Variants in PWWP2A observed in about 807,000 individuals in gnomAD.
PWWP2A encodes PWWP domain-containing protein 2A.
In PWWP2A, 18 loss-of-function variants were observed where a neutral mutation model predicts 48.5. The observed-to-expected ratio is 0.37, with a 90% confidence interval of 0.26 to 0.55. PWWP2A has a LOEUF of 0.55. Ranked by LOEUF, PWWP2A falls within the 20% of genes least tolerant of loss-of-function variation. PWWP2A has a pLI of 0.81. For synonymous variants in PWWP2A, 396 were observed against 387.7 expected, an observed-to-expected ratio of 1.02 and a Z score of -0.25; for missense variants, 867 against 976.4, an observed-to-expected ratio of 0.89 and a Z score of 1.49.
chr5:160,058,409 C>CTTTT (rs1171929571), downstream of PWWP2A, among the ~76,000 whole-genome samples: 3 of 129,774 alleles, frequency 2.3e-5, no homozygotes, highest in African/African-American at 2.8e-5. Flanking sequence ...AAGTGTATTT[C>CTTTT]TTTTTTTTTT....
intron 1 of PWWP2A, among the ~76,000 whole-genome samples, chr5:160,108,060 T>C (rs1757077824): frequency 6.6e-6 from 1 of 152,134 alleles, no homozygotes; most frequent in Non-Finnish European, 1.5e-5. Context: ...AGTTTGTGTA[T>C]AACACATCTA....
downstream of PWWP2A, chr5:160,090,715 A>AC: frequency 1.0e-6 from 1 of 952,478 alleles, no homozygotes; most frequent in South Asian, 4.9e-5. Flanking sequence ...CATAGTAACT[A>AC]CTTCAAATTG....
intron 3 of PWWP2A, chr5:160,080,640 A>C: frequency 6.5e-7 from 1 of 1,529,626 alleles, no homozygotes; most frequent in Non-Finnish European, 8.8e-7. Context: ...CAGGGCTTAA[A>C]ACAGACAGAC....
chr5:160,051,158 T>C, the PWWP2A span: 1 of 1,610,414 alleles, frequency 6.2e-7, no homozygotes. Context: ...AAGAACGTAA[T>C]GAAAGACTAA....
downstream of PWWP2A, among the ~76,000 whole-genome samples, chr5:160,086,730 C>A (rs938609475): frequency 6.6e-6 from 1 of 152,134 alleles, no homozygotes; most frequent in Admixed American, 6.5e-5. Flanking sequence ...CATCTTCCTG[C>A]CTCAGCCTCT....
downstream of PWWP2A, among the ~76,000 whole-genome samples, chr5:160,058,367 A>G (rs1757600354): frequency 6.7e-6 from 1 of 148,956 alleles, no homozygotes; most frequent in Admixed American, 6.7e-5. Context: ...TAATGTTGGT[A>G]TTTTGACCAT....
chr5:160,114,202 A>G (rs1757867277), intron 1 of PWWP2A, among the ~76,000 whole-genome samples: 1 of 152,182 alleles, frequency 6.6e-6, no homozygotes, highest in Non-Finnish European at 1.5e-5. Flanking sequence ...TAATCCCAAC[A>G]CTTTGGGAGT....
chr5:160,099,018 G>C (rs949348334), intron 1 of PWWP2A, among the ~76,000 whole-genome samples: 2 of 152,104 alleles, frequency 1.3e-5, no homozygotes, highest in African/African-American at 4.8e-5. Flanking sequence ...ACAACTCCTC[G>C]GAGTGTTTGC....
Position 160,081,239 on chromosome 5 carries a change from CT to C in PWWP2A, c.1550-470del, listed in dbSNP as rs11410217. Among the ~76,000 whole-genome samples the C allele has an allele frequency of 8.9e-3, 1,190 of 133,738 alleles. 11 individuals are homozygous for C. Among genetic ancestry groups the C allele is most frequent in the African/African-American group, 0.026 (927 of 36,066 alleles). 87.7% of individuals were successfully genotyped at this position (133,738 alleles called of 152,430 possible). A position where few individuals can be genotyped will look rare whatever the true frequency, so the allele number is the denominator to read the frequency against. ...CATAATTAATGAGCTCAATGACCCC[CT>C]TTTTTTTTTTTTTTTTTTGAGACAG... On this transcript the variant is annotated intron_variant, in intron 2 of 3. Transcript: ENST00000456329.
the PWWP2A span, among the ~76,000 whole-genome samples, chr5:160,052,365 A>G: frequency 6.6e-6 from 1 of 151,996 alleles, no homozygotes; most frequent in Non-Finnish European, 1.5e-5. Context: ...GCATGGTGGC[A>G]TGTGCCTGCC....
rs375688294 is a variant in PWWP2A, at chr5:160,111,256, CT to C, written c.584+7548del. On this transcript the variant is annotated intron_variant, in intron 1 of 1. Transcript: ENST00000307063. ...GATCTCAGCTCACTGCAACCTCTAA[CT>C]CCCGGGTTCAAGCGATTCTCCTGTC... Among the ~76,000 whole-genome samples, 83 of 152,260 alleles carry C rather than the reference CT, an allele frequency of 5.5e-4. 1 individual carries two copies. In the South Asian group the frequency reaches 0.017, roughly 31 times the overall value.
At chr5:160,076,597 T>G (rs1753898746) in exon 4 of PWWP2A, 1 of 152,214 alleles carries the variant, frequency 6.6e-6, no homozygotes, top group African/African-American at 2.4e-5. Flanking sequence ...TTTAAATTAT[T>G]TGCAGTATAA....
At chr5:160,114,245 T>C (rs555125514) in intron 1 of PWWP2A, among the ~76,000 whole-genome samples, 28 of 152,118 alleles carry the variant, frequency 1.8e-4, no homozygotes, top group African/African-American at 6.7e-4. Context: ...AGGCCAAGAG[T>C]TCAGACCTGG....
chr5:160,089,896 T>C (rs1285224600), downstream of PWWP2A: 1 of 985,228 alleles, frequency 1.0e-6, no homozygotes, highest in Non-Finnish European at 1.2e-6. Context: ...AATTCAACTC[T>C]ATCTCCATCT....
chr5:160,112,810 A>C (rs181473592), intron 1 of PWWP2A, among the ~76,000 whole-genome samples: 1 of 152,314 alleles, frequency 6.6e-6, no homozygotes, highest in Admixed American at 6.5e-5. Context: ...AGTAAGGCAC[A>C]ATGATTTGCC....
chr5:160,057,763 G>A, downstream of PWWP2A, among the ~76,000 whole-genome samples: 1 of 152,048 alleles, frequency 6.6e-6, no homozygotes, highest in South Asian at 2.1e-4. The surrounding 1 kb of genome is among the most constrained non-coding windows in gnomAD (Gnocchi z 4.4). Context: ...AATATTTGGG[G>A]GTTTGTGCGT....
intron 1 of PWWP2A, among the ~76,000 whole-genome samples, chr5:160,111,726 T>A (rs1757592420): frequency 6.6e-6 from 1 of 152,182 alleles, no homozygotes; most frequent in Non-Finnish European, 1.5e-5. Context: ...AAGGACAAAA[T>A]GAGAACAGGA....
intron 1 of PWWP2A, among the ~76,000 whole-genome samples, chr5:160,109,214 C>T (rs1239883967): frequency 6.6e-6 from 1 of 152,066 alleles, no homozygotes; most frequent in Non-Finnish European, 1.5e-5. Flanking sequence ...AAACTCCTGG[C>T]CTCAAGTGAT....
At chr5:160,113,490 T>C (rs569342211) in intron 1 of PWWP2A, among the ~76,000 whole-genome samples, 1 of 152,228 alleles carries the variant, frequency 6.6e-6, no homozygotes, top group Non-Finnish European at 1.5e-5. Flanking sequence ...TTCTGTACCA[T>C]GCATAACGTC....
Sources: gnomAD v4.1 joint callset for allele counts (sites outside exome capture counted in the v4.1 genomes callset) on GRCh38, gnomAD v4.1.1 for gene constraint, Gnocchi (gnomAD v3.1) non-coding constraint, MANE v1.5 for transcripts, NCBI Gene and HGNC (gene_info 2026-07-23, HGNC 2026-07-21) for gene names.